Variants in MX1 observed in about 807,000 individuals in gnomAD.
The protein encoded by MX1 is MX dynamin like GTPase 1, also known as interferon-induced GTP-binding protein Mx1.
In MX1, 66 loss-of-function variants were observed where a neutral mutation model predicts 66.4. That is an observed-to-expected ratio of 0.99 (90% CI 0.82 to 1.22). The LOEUF (loss-of-function observed/expected upper bound fraction) is 1.22. Ranked by LOEUF, MX1 falls within the 50% of genes most tolerant of loss-of-function variation. The pLI is 0.00. For missense variants in MX1, 787 were observed against 834.3 expected, an observed-to-expected ratio of 0.94 and a Z score of 0.70; for synonymous variants, 311 against 318.1, an observed-to-expected ratio of 0.98 and a Z score of 0.24.
intron 5 of MX1, among the ~76,000 whole-genome samples, chr21:41,434,686 T>A (rs1460162469): frequency 6.6e-6 from 1 of 152,214 alleles, no homozygotes; most frequent in Non-Finnish European, 1.5e-5. Flanking sequence ...TGCGAGAACC[T>A]TAGAATAGTG....
chr21:41,446,672 T>G (rs2090672659), intron 13 of MX1, among the ~76,000 whole-genome samples: 1 of 152,234 alleles, frequency 6.6e-6, no homozygotes, highest in Admixed American at 6.5e-5. Context: ...ACTTTCAATT[T>G]GTAAAAAATA....
intron 5 of MX1, among the ~76,000 whole-genome samples, chr21:41,432,915 C>T (rs2090260649): frequency 6.6e-6 from 1 of 152,164 alleles, no homozygotes; most frequent in South Asian, 2.1e-4. Flanking sequence ...TACAGAGGAC[C>T]ACCACCTTTC....
chr21:41,432,252 G>T, intron 5 of MX1, 77 bp downstream of exon 5: 1 of 1,284,232 alleles, frequency 7.8e-7, no homozygotes, highest in Non-Finnish European at 1.1e-6. Context: ...CTACAGCGGT[G>T]CTACTGCTGC....
chr21:41,424,031 C>T (rs1035651065), upstream of MX1, among the ~76,000 whole-genome samples: 1 of 152,162 alleles, frequency 6.6e-6, no homozygotes, highest in Non-Finnish European at 1.5e-5. Flanking sequence ...GGAAGCCTCC[C>T]GCTGTTGGAA....
chr21:41,451,392 T>C (rs2090820953), intron 15 of MX1, 149 bp downstream of exon 15: 1 of 666,002 alleles, frequency 1.5e-6, no homozygotes, highest in Admixed American at 2.4e-5. Flanking sequence ...CTTCTTCTGA[T>C]GTTACCGGTG....
At chr21:41,442,917 A>G (rs2090558777) in intron 10 of MX1, among the ~76,000 whole-genome samples, 1 of 152,218 alleles carries the variant, frequency 6.6e-6, no homozygotes, top group Non-Finnish European at 1.5e-5. Context: ...TCAGATTCAT[A>G]GAGACAGAAA....
intron 4 of MX1, 112 bp from the exon 5 acceptor site, chr21:41,431,938 A>G (rs1334137984): frequency 6.7e-6 from 5 of 749,636 alleles, no homozygotes; most frequent in South Asian, 5.0e-5. Flanking sequence ...ACCATGAACA[A>G]CTAGTCAGAG....
Position 41,441,598 on chromosome 21 carries a change from G to A in MX1, c.731-118G>A, listed in dbSNP as rs1289563396. 3.9e-6 allele frequency: 4 copies of A among 1,038,350 alleles called. No individual in the cohort carries two copies. Among genetic ancestry groups the A allele is most frequent in the East Asian group, 4.8e-5 (2 of 42,044 alleles). 64.3% of individuals were successfully genotyped at this position (1,038,350 alleles called of 1,614,324 possible). A position where few individuals can be genotyped will look rare whatever the true frequency, so the allele number is the denominator to read the frequency against. On this transcript the variant is annotated intron_variant, in intron 9 of 16. Coordinates refer to ENST00000398598, the MANE Select transcript of MX1 (RefSeq NM_002462.5). This position sits in a 1 kb window ranked among gnomAD's most constrained non-coding sequence, Gnocchi z 4.0. ...CCCCCATGGTTCTGCAGGGGCTATG[G>A]CCTGTCCTCAAGCAAGGATGGGAGG...
chr21:41,443,759 G>A, intron 10 of MX1, 29 bp from the exon 11 acceptor site: 1 of 1,610,190 alleles, frequency 6.2e-7, no homozygotes, highest in Non-Finnish European at 8.5e-7. Flanking sequence ...CTACATCAAG[G>A]TGGAAATCGG....
Position 41,437,157 on chromosome 21 carries a change from G to A in MX1, c.436+5G>A, listed in dbSNP as rs1247188382. ...TAGAAAAGGAAATTAATAAAGGTGA[G>A]TACCCCCTGTTTGGATGCCTGGTCA... On this transcript the variant is annotated splice_donor_5th_base_variant and intron_variant, in intron 7 of 16. Transcript: ENST00000398598. 5 of 1,613,742 alleles carry A rather than the reference G, an allele frequency of 3.1e-6. No individual in the cohort carries two copies. The highest frequency in any genetic ancestry group is 2.2e-5 in the East Asian group (1 of 44,888).
chr21:41,446,106 A>G lies in MX1; in HGVS notation c.1238A>G (p.Lys413Arg), dbSNP rs1377361570. ...ACCAGACTCCGACACGAGTTCCACA[A>G]ATGGAGTACAATAATTGAAAACAAT... ...LFTRLRHEFH[K>R]WSTIIENNFQ... The change falls in exon 13 of 17, where the codon AAA (lysine) becomes AGA (arginine). Residue 413 changes from lysine (K) to arginine (R), a missense_variant. Coordinates refer to ENST00000398598, the MANE Select transcript of MX1 (RefSeq NM_002462.5). The G allele has an allele frequency of 6.2e-7, 1 of 1,614,170 alleles. No individual in the cohort carries two copies. Among genetic ancestry groups the G allele is most frequent in the Admixed American group, 1.7e-5 (1 of 60,026 alleles).
rs114513005 is a variant in MX1 at position 41,448,195 on chromosome 21, G to A, written c.1274-942G>A. Among the ~76,000 whole-genome samples, 1,442 of 152,316 alleles carry A rather than the reference G, an allele frequency of 9.5e-3. 31 individuals are homozygous for A. Among genetic ancestry groups the A allele is most frequent in the African/African-American group, 0.032 (1,318 of 41,562 alleles). Reference sequence around the variant, plus strand: ...TCTGATGGGGCTAACTCTCTCTAGTGTGGATTGTTGGGAGTACAAATCATT... The same window carrying A: ...TCTGATGGGGCTAACTCTCTCTAGTATGGATTGTTGGGAGTACAAATCATT... On this transcript the variant is annotated intron_variant, in intron 13 of 16. Transcript: ENST00000398598.
chr21:41,452,862 A>G lies in MX1; in HGVS notation c.1751A>G (p.Tyr584Cys), dbSNP rs1203895485. The G allele has an allele frequency of 6.2e-6, 10 of 1,614,060 alleles. No homozygotes were observed. Among genetic ancestry groups the G allele is most frequent in the Admixed American group, 1.7e-5 (1 of 60,004 alleles). Residue 584 changes from tyrosine to cysteine, a missense_variant, in exon 16 of 17, where the codon TAT becomes TGT. Tyr to Cys is a radical substitution (Grantham distance 194). Coordinates refer to ENST00000398598, the MANE Select transcript of MX1 (RefSeq NM_002462.5). ...GAGATCTTTCAGCACCTGATGGCCT[A>G]TCACCAGGTACGTCTTCGCGTGGTT... ...MEEIFQHLMA[Y>C]HQEASKRISS...
At chr21:41,457,744 G>A (rs1320347100) in intron 16 of MX1, among the ~76,000 whole-genome samples, 1 of 152,138 alleles carries the variant, frequency 6.6e-6, no homozygotes, top group Non-Finnish European at 1.5e-5. Context: ...GGGGTACATA[G>A]TTCAGTGGCA....
chr21:41,426,789 G>A (rs2090072919), intron 1 of MX1: 1 of 152,370 alleles, frequency 6.6e-6, no homozygotes, highest in African/African-American at 2.4e-5. Flanking sequence ...CTGAATAAAG[G>A]GGGTTCCGAG....
At chr21:41,451,072 T>C (rs1601532668) in intron 14 of MX1, 95 bp from the exon 15 acceptor site, 1 of 832,224 alleles carries the variant, frequency 1.2e-6, no homozygotes, top group Middle Eastern at 2.3e-4. Context: ...AGGGGAAACT[T>C]TACTTCATAC....
At chr21:41,421,764 A>G (rs975219891), upstream of MX1, 1 of 152,954 alleles carries the variant, frequency 6.5e-6, no homozygotes, top group African/African-American at 2.4e-5. Flanking sequence ...TACAGAACAA[A>G]ATGGAGTCTC....
intron 7 of MX1, among the ~76,000 whole-genome samples, chr21:41,438,683 T>C (rs1232389623): frequency 6.6e-6 from 1 of 152,238 alleles, no homozygotes; most frequent in African/African-American, 2.4e-5. Flanking sequence ...AGGCACCCTG[T>C]AAAGTAGCGT....
intron 13 of MX1, among the ~76,000 whole-genome samples, 179 bp from the exon 14 acceptor site, chr21:41,448,958 G>GCC (rs1182192360): frequency 1.2e-5 from 1 of 86,504 alleles, no homozygotes; most frequent in African/African-American, 6.3e-5. Context: ...GTGTGTGTGT[G>GCC]TGTGTGTGTG....
Sources: gnomAD v4.1 joint callset for allele counts (sites outside exome capture counted in the v4.1 genomes callset) on GRCh38, gnomAD v4.1.1 for gene constraint, Gnocchi (gnomAD v3.1) non-coding constraint, MANE v1.5 for transcripts, NCBI Gene and HGNC (gene_info 2026-07-23, HGNC 2026-07-21) for gene names.